SOCS7: variants seen among roughly 807,000 people sequenced by gnomAD.
SOCS7 encodes suppressor of cytokine signaling 7.
In SOCS7, 18 loss-of-function variants were observed where a neutral mutation model predicts 58.9. That is an observed-to-expected ratio of 0.31 (90% confidence interval 0.21 to 0.45). SOCS7 has a LOEUF of 0.45. Ranked by LOEUF, SOCS7 falls within the 20% of genes least tolerant of loss-of-function variation. The probability of loss-of-function intolerance (pLI) is 1.00; values close to 1 mark genes in which losing one functional copy is unlikely to be tolerated. For missense variants in SOCS7, 667 were observed against 837.3 expected, an observed-to-expected ratio of 0.80 and a Z score of 2.51; for synonymous variants, 388 against 364.3, an observed-to-expected ratio of 1.06 and a Z score of -0.74.
chr17:38,352,309 G>A lies in SOCS7; in HGVS notation c.257G>A (p.Gly86Glu). Residue 86 changes from glycine (G) to glutamate (E), a missense_variant, in exon 1 of 10, where the codon GGA becomes GAA. Gly to Glu is a moderately conservative substitution (Grantham distance 98). This residue lies in a region of SOCS7 where 154 missense variants were observed against 156.3 expected (regional missense o/e 0.98). Transcript: ENST00000612932. This position sits in a 1 kb window ranked among gnomAD's most constrained non-coding sequence, Gnocchi z 5.5. ...EEDVEAAPEP[G>E]PSELLCPRHR... ...GACGTGGAGGCGGCCCCGGAGCCGG[G>A]ACCCTCGGAACTGCTGTGTCCCCGG... is the stretch of plus-strand genomic sequence containing the variant. The A allele has an allele frequency of 1.3e-6, 2 of 1,486,010 alleles. No individual in the cohort carries two copies. The highest frequency in any genetic ancestry group is 1.8e-6 in the Non-Finnish European group (2 of 1,128,448). The allele number at this position is 1,486,010 out of a possible 1,614,324, so 92.1% of individuals were successfully genotyped here.
At chr17:38,357,215 C>G (rs2037652196) in intron 1 of SOCS7, among the ~76,000 whole-genome samples, 3 of 152,176 alleles carry the variant, frequency 2.0e-5, no homozygotes, top group Admixed American at 2.0e-4. Context: ...TTCACTGTAT[C>G]CTTGGGTCTT....
At chr17:38,395,721 CTG>C (rs2038236246) in intron 8 of SOCS7, 125 bp from the exon 9 acceptor site, 2 of 1,018,320 alleles carry the variant, frequency 2.0e-6, no homozygotes, top group Admixed American at 2.4e-5. Context: ...ACTATAATAA[CTG>C]AGAAAATGGG....
chr17:38,369,049 A>G (rs2037828282), intron 6 of SOCS7, among the ~76,000 whole-genome samples: 1 of 152,196 alleles, frequency 6.6e-6, no homozygotes, highest in Non-Finnish European at 1.5e-5. Context: ...TTCTGTATCT[A>G]ACTTGGGCCA....
chr17:38,383,249 GGT>G (rs2038026130), intron 7 of SOCS7, among the ~76,000 whole-genome samples: 1 of 152,080 alleles, frequency 6.6e-6, no homozygotes, highest in African/African-American at 2.4e-5. Flanking sequence ...TCACTTATAG[GGT>G]TGTTTTGAGG....
chr17:38,374,823 A>T (rs1433520294), intron 6 of SOCS7, among the ~76,000 whole-genome samples: 1 of 152,256 alleles, frequency 6.6e-6, no homozygotes, highest in Non-Finnish European at 1.5e-5. Context: ...CATTAATGTC[A>T]GGCAATCTGG....
chr17:38,353,590 C>T (rs1175184981), intron 1 of SOCS7, among the ~76,000 whole-genome samples: 1 of 152,162 alleles, frequency 6.6e-6, no homozygotes, highest in Non-Finnish European at 1.5e-5. Flanking sequence ...AACTTGGGTG[C>T]TGACCACTGT....
chr17:38,352,494 C>T lies in SOCS7; in HGVS notation c.442C>T (p.Pro148Ser), dbSNP rs1304085254. Residue 148 changes from proline to serine, a missense_variant, in exon 1 of 10, where the codon CCG becomes TCG. By Grantham distance (74) the Pro-to-Ser change is moderately conservative. Transcript: ENST00000612932. The surrounding 1 kb of genome is among the most constrained non-coding windows in gnomAD (Gnocchi z 5.5). ...AGTCGGTGGGGGTTGCTGCCCGTGT[C>T]CGTGTCCTCCTCAGCCGCCCCCTCC... ...KTVGGGCCPC[P>S]CPPQPPPPQP... 6.5e-7 allele frequency: 1 copy of T among 1,535,948 alleles called. No homozygotes were observed. The highest frequency in any genetic ancestry group is 8.8e-7 in the Non-Finnish European group (1 of 1,140,220).
Position 38,352,104 on chromosome 17 carries a change from T to G in SOCS7, c.52T>G (p.Tyr18Asp). ...CGAGGCGGCGGCGGCGGCCGCTTCG[T>G]ACCGCGTCCTGAGCCGCCTCCTTGG... ...DGEAAAAAAS[Y>D]RVLSRLLGYG... Residue 18 changes from tyrosine (Y) to aspartate (D), a missense_variant, in exon 1 of 10, where the codon TAC (tyrosine) becomes GAC (aspartate). Coordinates refer to ENST00000612932, the MANE Select transcript of SOCS7 (RefSeq NM_014598.4). This position sits in a 1 kb window ranked among gnomAD's most constrained non-coding sequence, Gnocchi z 5.5. 1.6e-6 allele frequency: 1 copy of G among 624,800 alleles called. No homozygotes were observed. Among genetic ancestry groups the G allele is most frequent in the Non-Finnish European group, 2.1e-6 (1 of 474,414 alleles). 38.7% of individuals were successfully genotyped at this position (624,800 alleles called of 1,614,324 possible).
In SOCS7 at chr17:38,404,075, G is replaced by A. The variant is rs1314811674; in HGVS notation, c.*4593G>A. 6.6e-6 allele frequency: 1 copy of A among 152,148 alleles called. No homozygotes were observed. Among genetic ancestry groups the A allele is most frequent in the Non-Finnish European group, 1.5e-5 (1 of 68,032 alleles). The allele number at this position is 152,148 out of a possible 1,614,324, so 9.4% of individuals were successfully genotyped here. On this transcript the variant is annotated 3_prime_UTR_variant, in exon 10 of 10. Transcript: ENST00000612932. ...AAGGTCAAGTCTGCACGTCCCTGTG[G>A]TAGACCCTGCTTTCACATTGGAGCC... is the stretch of plus-strand genomic sequence containing the variant.
intron 7 of SOCS7, among the ~76,000 whole-genome samples, chr17:38,387,102 AATATATAT>A (rs71368482): frequency 2.0e-5 from 1 of 51,138 alleles, no homozygotes; most frequent in Non-Finnish European, 3.0e-5. Flanking sequence ...AAAAAAAAAA[AATATATAT>A]ATATATATAT....
intron 7 of SOCS7, among the ~76,000 whole-genome samples, chr17:38,384,686 G>A (rs1375710385): frequency 1.3e-5 from 2 of 151,742 alleles, no homozygotes; most frequent in Admixed American, 6.6e-5. Context: ...TCCACATCCC[G>A]GGTTCAAGTG....
intron 7 of SOCS7, among the ~76,000 whole-genome samples, chr17:38,386,219 G>T (rs560651425): frequency 6.6e-6 from 1 of 151,280 alleles, no homozygotes; most frequent in Admixed American, 6.6e-5. Flanking sequence ...AGCTACTTGG[G>T]AGGCTGAGGC....
At chr17:38,387,127 A>ATATATG (rs1567749184) in intron 7 of SOCS7, among the ~76,000 whole-genome samples, 1 of 93,548 alleles carries the variant, frequency 1.1e-5, no homozygotes, top group Non-Finnish European at 1.9e-5. Context: ...ATATATATAT[A>ATATATG]TGTATGTATA....
At chr17:38,398,418 T>C (rs2038272486) in intron 9 of SOCS7, among the ~76,000 whole-genome samples, 1 of 151,914 alleles carries the variant, frequency 6.6e-6, no homozygotes, top group African/African-American at 2.4e-5. Context: ...GCTAATTTTG[T>C]ATTTTTAGTA....
rs1172827352 is a variant in SOCS7, at chr17:38,352,516, C to T, written c.464C>T (p.Pro155Leu). The T allele has an allele frequency of 1.3e-6, 2 of 1,545,700 alleles. No individual in the cohort carries two copies. The highest frequency in any genetic ancestry group is 1.7e-6 in the Non-Finnish European group (2 of 1,144,676). Residue 155 changes from proline to leucine, a missense_variant, in exon 1 of 10, where the codon CCT (proline) becomes CTT (leucine). Around this residue, in one of 9 missense-constraint regions of SOCS7, gnomAD observed 154 missense variants for 156.3 expected, o/e 0.98. Transcript: ENST00000612932. The surrounding 1 kb of genome is among the most constrained non-coding windows in gnomAD (Gnocchi z 5.5). ...CPCPCPPQPP[P>L]PQPQPPAAAP... ...TGTCCGTGTCCTCCTCAGCCGCCCC[C>T]TCCGCAGCCCCAGCCGCCTGCTGCC...
Position 38,351,913 on chromosome 17 carries a change from C to A in SOCS7, c.-140C>A, listed in dbSNP as rs985218483. 2.0e-5 allele frequency among the ~76,000 whole-genome samples: 3 copies of A among 151,220 alleles called. No homozygotes were observed. Among genetic ancestry groups the A allele is most frequent in the South Asian group, 4.1e-4 (2 of 4,826 alleles). On this transcript the variant is annotated 5_prime_UTR_variant, in exon 1 of 10. Coordinates refer to ENST00000612932, the MANE Select transcript of SOCS7 (RefSeq NM_014598.4). The stretch of plus-strand genomic sequence containing the variant: ...CGCGCTGGGCTCCGCGCGCCCCCCG[C>A]CCCCCTCTATGAGGCAGAGGCCGCG...
intron 2 of SOCS7, among the ~76,000 whole-genome samples, chr17:38,362,476 C>T (rs587651872): frequency 6.6e-6 from 1 of 152,292 alleles, no homozygotes; most frequent in East Asian, 1.9e-4. Flanking sequence ...TGGGGCTTTG[C>T]CCATGTCTCA....
chr17:38,364,131 T>C (rs1457856918), intron 2 of SOCS7, among the ~76,000 whole-genome samples: 2 of 152,214 alleles, frequency 1.3e-5, no homozygotes, highest in Non-Finnish European at 2.9e-5. Flanking sequence ...ACTGTGAAAG[T>C]AGTTAATTTT....
intron 1 of SOCS7, among the ~76,000 whole-genome samples, chr17:38,361,355 CTT>C (rs1555567536): frequency 6.6e-6 from 1 of 152,234 alleles, no homozygotes; most frequent in East Asian, 1.9e-4. Flanking sequence ...GTTAAGAGCC[CTT>C]TTCTTGGCTC....
Sources: allele counts gnomAD v4.1 joint callset (sites outside exome capture counted in the v4.1 genomes callset), GRCh38; gene constraint gnomAD v4.1.1; regional missense constraint gnomAD v4.1.1; non-coding constraint Gnocchi (gnomAD v3.1); transcripts MANE v1.5; gene names NCBI Gene and HGNC (gene_info 2026-07-23, HGNC 2026-07-21).